PIAS2: variants seen among roughly 807,000 people sequenced by gnomAD.
PIAS2 encodes E3 SUMO-protein ligase PIAS2.
A neutral mutation model predicts 69.7 loss-of-function variants in PIAS2; 19 were observed. That is an observed-to-expected ratio of 0.27 (90% CI 0.19 to 0.40). PIAS2 has a LOEUF of 0.40. PIAS2 is among the 10% of genes least tolerant of loss of function. The pLI is 1.00. For missense variants in PIAS2, 624 were observed against 757.0 expected, an observed-to-expected ratio of 0.82 and a Z score of 2.06; for synonymous variants, 261 against 263.2, an observed-to-expected ratio of 0.99 and a Z score of 0.08.
chr18:46,918,492 T>G (rs139195196), upstream of PIAS2, among the ~76,000 whole-genome samples: 297 of 152,300 alleles, frequency 2.0e-3, 4 homozygotes, highest in East Asian at 0.037. Flanking sequence ...TTTGCTCTTG[T>G]TGCCCAGGCT....
chr18:46,836,050 A>G (rs2044376457), intron 9 of PIAS2, among the ~76,000 whole-genome samples: 1 of 152,212 alleles, frequency 6.6e-6, no homozygotes, highest in South Asian at 2.1e-4. Flanking sequence ...AAGAAATTCT[A>G]GGTAAGCAAA....
At chr18:46,839,135 G>C (rs1462134503) in intron 8 of PIAS2, among the ~76,000 whole-genome samples, 3 of 152,096 alleles carry the variant, frequency 2.0e-5, no homozygotes, top group African/African-American at 4.8e-5. Context: ...ACCAATGTAA[G>C]TGAGTTGGCT....
At chr18:46,866,670 T>C (rs757939163) in intron 2 of PIAS2, among the ~76,000 whole-genome samples, 26 of 152,192 alleles carry the variant, frequency 1.7e-4, no homozygotes, top group Non-Finnish European at 2.9e-4. Context: ...GTGATGGCAT[T>C]GAAAGGCAGG....
chr18:46,861,037 T>C (rs565956172), intron 3 of PIAS2, among the ~76,000 whole-genome samples: 24 of 151,862 alleles, frequency 1.6e-4, no homozygotes, highest in Non-Finnish European at 3.1e-4. Context: ...CCCAACACTT[T>C]GGGAGGCCGA....
In PIAS2 at chr18:46,890,968, G is replaced by A; in HGVS notation, c.111C>T (p.Leu37=). The change falls in exon 2 of 14, where the codon CTC becomes CTT. Residue 37 remains leucine, a synonymous_variant. Transcript: ENST00000585916. Reference sequence around the variant, plus strand: ...TCAATAAATGCAGCGCCCTCATCAGGAGGTCATGCTTGCGTCCACTTTTAT... The same window carrying A: ...TCAATAAATGCAGCGCCCTCATCAGAAGGTCATGCTTGCGTCCACTTTTAT... The part of the protein sequence containing the change: ...GRNKSGRKHD[L]LMRALHLLKS... The A allele has an allele frequency of 1.2e-6, 2 of 1,614,114 alleles. No homozygotes were observed. Among genetic ancestry groups the A allele is most frequent in the Non-Finnish European group, 1.7e-6 (2 of 1,180,022 alleles).
At chr18:46,904,415 G>A (rs2056309735) in intron 1 of PIAS2, among the ~76,000 whole-genome samples, 1 of 152,032 alleles carries the variant, frequency 6.6e-6, no homozygotes, top group Non-Finnish European at 1.5e-5. Context: ...GTAACGGTGA[G>A]GAGAAATTTT....
intron 2 of PIAS2, among the ~76,000 whole-genome samples, chr18:46,872,824 GA>G (rs2050575480): frequency 6.6e-6 from 1 of 152,160 alleles, no homozygotes. Context: ...CCTTATACCT[GA>G]AGCTCACCCA....
At chr18:46,906,043 A>G (rs1309643381) in intron 1 of PIAS2, 2 of 148,342 alleles carry the variant, frequency 1.3e-5, no homozygotes, top group African/African-American at 5.3e-5. Context: ...AAATATTGGG[A>G]AAAAAATTAA....
At chr18:46,817,150 T>C in intron 12 of PIAS2, 1 of 954,572 alleles carries the variant, frequency 1.0e-6, no homozygotes, top group Non-Finnish European at 1.2e-6. Context: ...CAATAGCTTC[T>C]ACCTTTTTAT....
upstream of PIAS2, chr18:46,917,715 G>C (rs572421426): frequency 1.0e-5 from 3 of 296,028 alleles, no homozygotes; most frequent in African/African-American, 6.8e-5. Flanking sequence ...CCTGCGGACT[G>C]CCTAGAGCTG....
chr18:46,881,364 GA>G (rs1478496771), intron 2 of PIAS2, among the ~76,000 whole-genome samples: 53 of 152,252 alleles, frequency 3.5e-4, no homozygotes, highest in African/African-American at 1.2e-3. Flanking sequence ...GATTAAATTA[GA>G]AAAACTTTGG....
chr18:46,870,820 C>A (rs577373597), intron 2 of PIAS2, among the ~76,000 whole-genome samples: 1 of 151,930 alleles, frequency 6.6e-6, no homozygotes, highest in East Asian at 1.9e-4. Flanking sequence ...ACGTGAACAT[C>A]CTCCTGGCCA....
At chr18:46,864,898 G>T (rs1016767936) in intron 2 of PIAS2, among the ~76,000 whole-genome samples, 11 of 152,032 alleles carry the variant, frequency 7.2e-5, no homozygotes, top group African/African-American at 2.7e-4. Flanking sequence ...CTGTATTCAA[G>T]AATTAAATGT....
upstream of PIAS2, chr18:46,917,674 C>T (rs1170643500): frequency 3.7e-6 from 2 of 542,584 alleles, no homozygotes; most frequent in Non-Finnish European, 4.7e-6. Flanking sequence ...CGCTCGGCCC[C>T]AGGTCGTGCC....
chr18:46,912,449 T>G (rs1337363480), intron 1 of PIAS2, among the ~76,000 whole-genome samples: 1 of 152,224 alleles, frequency 6.6e-6, no homozygotes, highest in Non-Finnish European at 1.5e-5. Context: ...GTAACCAACC[T>G]TTTTTCCTGA....
chr18:46,870,972 T>C (rs1280868242), intron 2 of PIAS2, among the ~76,000 whole-genome samples: 3 of 152,152 alleles, frequency 2.0e-5, no homozygotes, highest in African/African-American at 7.2e-5. Flanking sequence ...AGACCCAAGA[T>C]ATTTCCTGAG....
intron 1 of PIAS2, among the ~76,000 whole-genome samples, chr18:46,895,229 A>G (rs539186864): frequency 6.6e-6 from 1 of 152,312 alleles, no homozygotes; most frequent in East Asian, 1.9e-4. Context: ...AGTGCTAATA[A>G]GGTTAGAAAT....
chr18:46,821,397 A>G (rs1369982487), intron 11 of PIAS2, among the ~76,000 whole-genome samples: 1 of 152,182 alleles, frequency 6.6e-6, no homozygotes. Flanking sequence ...TGTAATATGT[A>G]TATGGGTATC....
In PIAS2 at chr18:46,812,485, CCT is replaced by C. The variant is rs1043456564; in HGVS notation, c.1812_1813del (p.Val606HisfsTer7). On this transcript the variant is annotated frameshift_variant, in exon 14 of 14. Transcript: ENST00000585916. LOFTEE classifies it high-confidence loss of function. ...GTTACTTCCACTGCTGGTTATGACC[CCT>C]GTCTCACTCCTGCTGCTGGATGAAC... The C allele has an allele frequency of 1.2e-6, 2 of 1,613,012 alleles. No individual in the cohort carries two copies. The highest frequency in any genetic ancestry group is 1.7e-5 in the Admixed American group (1 of 59,958).
Sources: allele counts gnomAD v4.1 joint callset (sites outside exome capture counted in the v4.1 genomes callset), GRCh38; gene constraint gnomAD v4.1.1; transcripts MANE v1.5; gene names NCBI Gene and HGNC (gene_info 2026-07-23, HGNC 2026-07-21).